Variants in FSTL5 observed in about 807,000 individuals in gnomAD.
FSTL5 encodes the protein follistatin-related protein 5.
In FSTL5, 62 loss-of-function variants were observed where a neutral mutation model predicts 89.1. The ratio of observed to expected loss-of-function variants is 0.70; its 90% CI spans 0.57 to 0.86. The LOEUF (loss-of-function observed/expected upper bound fraction) is 0.86, where lower values mean the gene tolerates loss of function less well. Among genes scored for constraint, FSTL5 ranks in the 40% least tolerant of loss-of-function variants. The probability of loss-of-function intolerance (pLI) is 0.00; values close to 1 mark genes in which losing one functional copy is unlikely to be tolerated. For missense variants in FSTL5, 1,057 were observed against 1,001.6 expected, an observed-to-expected ratio of 1.06 and a Z score of -0.75; for synonymous variants, 383 against 346.2, an observed-to-expected ratio of 1.11 and a Z score of -1.18.
At chr4:161,547,891 T>C (rs1272804946) in intron 8 of FSTL5, among the ~76,000 whole-genome samples, 1 of 151,856 alleles carries the variant, frequency 6.6e-6, no homozygotes, top group Non-Finnish European at 1.5e-5. Flanking sequence ...TAAATACCAG[T>C]AACAAAATAT....
At position 161,474,544 on chromosome 4, in the gene FSTL5, G is replaced by GTT. The variant is rs147822987; in HGVS notation, c.1608+6475_1608+6476insAA. Among the ~76,000 whole-genome samples, 203 of 121,862 alleles carry GTT rather than the reference G, an allele frequency of 1.7e-3. 5 individuals carry two copies. Among genetic ancestry groups the GTT allele is most frequent in the Non-Finnish European group, 2.4e-3 (144 of 59,284 alleles). The allele number at this position is 121,862 out of a possible 152,430, so 79.9% of individuals were successfully genotyped here. Reference sequence around the variant, plus strand: ...ACATGACTTCAAGTTATTGTGTAGTGGTTTTTTTTTTTTTTGAGATGGGCG... The same window carrying GTT: ...ACATGACTTCAAGTTATTGTGTAGTGTTGTTTTTTTTTTTTTTGAGATGGGCG... On this transcript the variant is annotated intron_variant, in intron 13 of 15. Transcript: ENST00000306100.
rs539350207 is a variant in FSTL5 at position 161,384,590 on chromosome 4, A to T, written c.*1157T>A. On this transcript the variant is annotated 3_prime_UTR_variant, in exon 16 of 16. Coordinates refer to ENST00000306100, the MANE Select transcript of FSTL5 (RefSeq NM_020116.5). ...TTTAGGATTACAAGAAGATGGATAAAAGGAATCATTTGTGGAAATTTTAGA... is the reference window on the plus strand; with the variant it reads ...TTTAGGATTACAAGAAGATGGATAATAGGAATCATTTGTGGAAATTTTAGA... 4 of 152,278 alleles carry T rather than the reference A, an allele frequency of 2.6e-5. No homozygotes were observed. The South Asian group carries it at 8.3e-4, about 32-fold the overall frequency. 9.4% of individuals were successfully genotyped at this position (152,278 alleles called of 1,614,324 possible). A position where few individuals can be genotyped will look rare whatever the true frequency, so the allele number is the denominator to read the frequency against.
At chr4:161,746,958 A>G (rs1214652991) in intron 6 of FSTL5, among the ~76,000 whole-genome samples, 1 of 152,126 alleles carries the variant, frequency 6.6e-6, no homozygotes, top group Non-Finnish European at 1.5e-5. Context: ...ATTGTCCCCA[A>G]GGACTCTTAT....
chr4:161,788,471 G>A (rs1202457388), intron 4 of FSTL5, among the ~76,000 whole-genome samples: 3 of 152,112 alleles, frequency 2.0e-5, no homozygotes, highest in African/African-American at 7.2e-5. Flanking sequence ...ACTTCTATCA[G>A]CTCAACTTTT....
At chr4:161,865,951 G>C (rs1732071717) in intron 4 of FSTL5, among the ~76,000 whole-genome samples, 1 of 152,126 alleles carries the variant, frequency 6.6e-6, no homozygotes. Context: ...AAAATGTACA[G>C]GTCACAGAAA....
Position 162,072,290 on chromosome 4 carries a change from T to G in FSTL5, c.127-38632A>C, listed in dbSNP as rs1261645377. Among the ~76,000 whole-genome samples the G allele has an allele frequency of 2.6e-5, 4 of 151,820 alleles. No homozygotes were observed. In the East Asian group the frequency reaches 7.8e-4, roughly 29 times the overall value. ...TGTGTTTATTTACTAAAGTATATCT[T>G]TCCTTTCCACCACCAACACACAGAA... is the stretch of plus-strand genomic sequence containing the variant. On this transcript the variant is annotated intron_variant, in intron 2 of 15. Coordinates refer to ENST00000306100, the MANE Select transcript of FSTL5 (RefSeq NM_020116.5).
At chr4:161,699,168 G>A (rs1197686391) in intron 6 of FSTL5, among the ~76,000 whole-genome samples, 1 of 152,150 alleles carries the variant, frequency 6.6e-6, no homozygotes. Flanking sequence ...AGGGAATTAT[G>A]ATTTCTGTGA....
intron 3 of FSTL5, among the ~76,000 whole-genome samples, chr4:162,006,082 AATG>A (rs1209085547): frequency 6.6e-6 from 1 of 152,078 alleles, no homozygotes; most frequent in African/African-American, 2.4e-5. Context: ...GCATAAATCA[AATG>A]ATAACATAGG....
intron 4 of FSTL5, among the ~76,000 whole-genome samples, chr4:161,854,023 AT>A (rs1731641967): frequency 6.6e-6 from 1 of 152,230 alleles, no homozygotes; most frequent in Non-Finnish European, 1.5e-5. Context: ...AATAAAAGCT[AT>A]CATAACAGCA....
At chr4:161,422,204 G>A (rs563422179) in intron 15 of FSTL5, among the ~76,000 whole-genome samples, 171 of 151,910 alleles carry the variant, frequency 1.1e-3, no homozygotes, top group Admixed American at 3.0e-3. Context: ...CATAATTTCC[G>A]TATTTCATTT....
intron 4 of FSTL5, among the ~76,000 whole-genome samples, chr4:161,810,800 G>T (rs1730113705): frequency 6.6e-6 from 1 of 152,130 alleles, no homozygotes; most frequent in African/African-American, 2.4e-5. Context: ...CCCAGGCATT[G>T]TAGCTGTAAC....
At chr4:162,033,740 T>G (rs2111198084) in intron 2 of FSTL5, 82 bp from the exon 3 acceptor site, 1 of 723,094 alleles carries the variant, frequency 1.4e-6, no homozygotes, top group Non-Finnish European at 2.3e-6. Context: ...ACTATAGAAG[T>G]ATCAAAATGA....
intron 8 of FSTL5, among the ~76,000 whole-genome samples, chr4:161,551,799 C>T (rs1181605555): frequency 6.6e-6 from 1 of 151,912 alleles, no homozygotes; most frequent in African/African-American, 2.4e-5. Flanking sequence ...AAAGCTGAAA[C>T]TGGATCCCTT....
chr4:161,769,518 A>C (rs951454419), intron 5 of FSTL5, among the ~76,000 whole-genome samples: 3 of 152,082 alleles, frequency 2.0e-5, no homozygotes, highest in African/African-American at 7.2e-5. Context: ...CCAGTGATGC[A>C]AAAATGGTTC....
In FSTL5 at chr4:161,528,732, AC is replaced by A. The variant is rs1218980298; in HGVS notation, c.1312+9433del. 2.1e-5 allele frequency among the ~76,000 whole-genome samples: 3 copies of A among 143,548 alleles called. No individual in the cohort carries two copies. In the Admixed American group the frequency reaches 2.2e-4, roughly 11 times the overall value. The allele number at this position is 143,548 out of a possible 152,430, so 94.2% of individuals were successfully genotyped here. ...AGAATCATAAAGTGATGATAATTCT[AC>A]TTTTGTTAAACTTAAGAACACAGTT... On this transcript the variant is annotated intron_variant, in intron 10 of 15. Coordinates refer to ENST00000306100, the MANE Select transcript of FSTL5 (RefSeq NM_020116.5).
At chr4:161,911,677 CAATA>C (rs1438573173) in intron 4 of FSTL5, among the ~76,000 whole-genome samples, 1 of 152,030 alleles carries the variant, frequency 6.6e-6, no homozygotes, top group East Asian at 1.9e-4. Flanking sequence ...ACGAGAGGGC[CAATA>C]AATAATTTCT....
intron 3 of FSTL5, among the ~76,000 whole-genome samples, chr4:161,944,647 T>C (rs1035495039): frequency 6.6e-6 from 1 of 151,832 alleles, no homozygotes; most frequent in African/African-American, 2.4e-5. Flanking sequence ...TGTATATGTA[T>C]ATTTTAAACT....
intron 6 of FSTL5, among the ~76,000 whole-genome samples, chr4:161,717,416 T>C (rs1739025039): frequency 6.6e-6 from 1 of 152,158 alleles, no homozygotes; most frequent in Admixed American, 6.5e-5. Context: ...GGCAGTGGGC[T>C]TTAGCAACTC....
intron 15 of FSTL5, among the ~76,000 whole-genome samples, chr4:161,449,671 G>T (rs1733087233): frequency 6.6e-6 from 1 of 152,132 alleles, no homozygotes; most frequent in Non-Finnish European, 1.5e-5. Flanking sequence ...GGGAGAGATA[G>T]GAGAAGAAAT....
Sources: allele counts gnomAD v4.1 joint callset (sites outside exome capture counted in the v4.1 genomes callset), GRCh38; gene constraint gnomAD v4.1.1; transcripts MANE v1.5; gene names NCBI Gene and HGNC (gene_info 2026-07-23, HGNC 2026-07-21).